The following CDH11 variants were observed in gnomAD, a reference collection of about 807,000 sequenced individuals.
CDH11 encodes cadherin-11.
A neutral mutation model predicts 67.8 loss-of-function variants in CDH11; 11 were observed. That is an observed-to-expected ratio of 0.16 (90% CI 0.10 to 0.27). The LOEUF (loss-of-function observed/expected upper bound fraction) is 0.27. Ranked by LOEUF, CDH11 falls within the 10% of genes least tolerant of loss-of-function variation. The pLI, the probability that CDH11 is intolerant of heterozygous loss-of-function variation, is 1.00. For synonymous variants in CDH11, 419 were observed against 400.0 expected (o/e 1.05, Z -0.57); for missense variants, 847 against 1,031.2 (o/e 0.82, Z 2.45).
chr16:65,087,297 G>A (rs1567570773), intron 1 of CDH11, among the ~76,000 whole-genome samples: 1 of 152,268 alleles, frequency 6.6e-6, no homozygotes, highest in East Asian at 1.9e-4. Context: ...ATTATGAAGT[G>A]TCAGCTACCA....
chr16:65,065,052 T>A (rs951668669), intron 1 of CDH11, among the ~76,000 whole-genome samples: 2 of 152,048 alleles, frequency 1.3e-5, no homozygotes, highest in Non-Finnish European at 1.5e-5. Flanking sequence ...ATATCACGGG[T>A]CAGGTCAGCT....
intron 8 of CDH11, among the ~76,000 whole-genome samples, chr16:64,975,047 C>T (rs2142436548): frequency 6.6e-6 from 1 of 152,242 alleles, no homozygotes. Flanking sequence ...AACAGCTGGG[C>T]TCAAGTCATC....
chr16:65,122,885 TG>T (rs1360381179), upstream of CDH11, among the ~76,000 whole-genome samples: 1 of 152,172 alleles, frequency 6.6e-6, no homozygotes, highest in Non-Finnish European at 1.5e-5. Context: ...CAGGTATCAG[TG>T]GCCCCCGCCG....
intron 1 of CDH11, among the ~76,000 whole-genome samples, chr16:65,095,284 G>A (rs2074869784): frequency 6.6e-6 from 1 of 152,098 alleles, no homozygotes; most frequent in East Asian, 1.9e-4. Flanking sequence ...GGATAGGTGG[G>A]TATGGCCAAC....
Position 65,004,969 on chromosome 16 carries a change from A to C in CDH11, c.-100T>G. The C allele has an allele frequency of 7.0e-7, 1 of 1,429,480 alleles. No homozygotes were observed. Among genetic ancestry groups the C allele is most frequent in the Non-Finnish European group, 9.2e-7 (1 of 1,087,418 alleles). 88.5% of individuals were successfully genotyped at this position (1,429,480 alleles called of 1,614,324 possible). On this transcript the variant is annotated 5_prime_UTR_variant, in exon 3 of 13. Coordinates refer to ENST00000268603, the MANE Select transcript of CDH11 (RefSeq NM_001797.4). ...GTGGCCTCCCGGACGCGTCACGCAG[A>C]CCTCTCTTGGGATGGAATGTCTCTG...
At chr16:65,051,981 A>C (rs956995816) in intron 2 of CDH11, among the ~76,000 whole-genome samples, 12 of 152,196 alleles carry the variant, frequency 7.9e-5, no homozygotes, top group Non-Finnish European at 1.8e-4. Context: ...AAAATGTTGG[A>C]TATTAATAAT....
At chr16:65,096,409 GTGT>G (rs1567575825) in intron 1 of CDH11, among the ~76,000 whole-genome samples, 15 of 74,172 alleles carry the variant, frequency 2.0e-4, no homozygotes, top group Admixed American at 4.0e-4. Flanking sequence ...CTTTCGGGGT[GTGT>G]GTGTGTGTGT....
At chr16:65,094,118 A>G (rs2074842293) in intron 1 of CDH11, among the ~76,000 whole-genome samples, 1 of 152,212 alleles carries the variant, frequency 6.6e-6, no homozygotes, top group African/African-American at 2.4e-5. Context: ...CCAGCAATGC[A>G]CTAAGATTTA....
At chr16:65,051,204 A>G (rs1302215671) in intron 2 of CDH11, among the ~76,000 whole-genome samples, 1 of 152,178 alleles carries the variant, frequency 6.6e-6, no homozygotes, top group African/African-American at 2.4e-5. Context: ...ACAAACATTG[A>G]CCAGACAATG....
intron 1 of CDH11, among the ~76,000 whole-genome samples, chr16:65,064,070 G>C (rs771599518): frequency 1.3e-5 from 2 of 152,224 alleles, no homozygotes; most frequent in Non-Finnish European, 2.9e-5. Flanking sequence ...GGCGGCCAGG[G>C]AGGGGTCACC....
chr16:65,035,654 C>T lies in CDH11; in HGVS notation c.-173+18150G>A, dbSNP rs1489182445. 2.0e-5 allele frequency among the ~76,000 whole-genome samples: 3 copies of T among 152,172 alleles called. No individual in the cohort carries two copies. The East Asian group carries it at 5.8e-4, about 29-fold the overall frequency. On this transcript the variant is annotated intron_variant, in intron 2 of 12. Coordinates refer to ENST00000268603, the MANE Select transcript of CDH11 (RefSeq NM_001797.4). ...TGGAATACCTGGAGTAGAGCAATCACAATAATAATTCATACTTTATAGCAC... is the reference window on the plus strand; with the variant it reads ...TGGAATACCTGGAGTAGAGCAATCATAATAATAATTCATACTTTATAGCAC...
intron 2 of CDH11, among the ~76,000 whole-genome samples, chr16:65,048,459 A>T (rs1472088919): frequency 6.6e-6 from 1 of 152,174 alleles, no homozygotes; most frequent in East Asian, 1.9e-4. Context: ...CTATTACAAC[A>T]CTATTCACAA....
chr16:64,987,255 C>T (rs1200042309), intron 7 of CDH11: 1 of 152,128 alleles, frequency 6.6e-6, no homozygotes, highest in Admixed American at 6.6e-5. Flanking sequence ...TCTGGCTCTT[C>T]TTTACAAACG....
In CDH11 at chr16:64,947,851, C is replaced by A. The variant is rs182947760; in HGVS notation, c.2143G>T (p.Val715Leu). Residue 715 changes from valine to leucine, a missense_variant, in exon 13 of 13, where the codon GTG (valine) becomes TTG (leucine). This residue lies in a region of CDH11 where 612 missense variants were observed against 678.7 expected (regional missense o/e 0.90). Transcript: ENST00000268603. ...RPGLRPAPNS[V>L]DVDDFINTRI... ...GTGTTGATGAAGTCATCGACATCCA[C>A]GCTGTTGGGCGCTGGCCGGAGCCCA... 1.2e-6 allele frequency: 2 copies of A among 1,614,154 alleles called. No homozygotes were observed. The highest frequency in any genetic ancestry group is 3.3e-5 in the Admixed American group (2 of 60,014).
chr16:65,063,905 C>A (rs1379047760), intron 1 of CDH11, among the ~76,000 whole-genome samples: 2 of 152,210 alleles, frequency 1.3e-5, no homozygotes, highest in African/African-American at 4.8e-5. Flanking sequence ...AAGCATCCCA[C>A]CTCCCTTTAT....
At chr16:65,077,434 T>C (rs924135632) in intron 1 of CDH11, among the ~76,000 whole-genome samples, 1 of 152,146 alleles carries the variant, frequency 6.6e-6, no homozygotes, top group African/African-American at 2.4e-5. Flanking sequence ...AAGAGTGAAA[T>C]TGTGATGTAA....
At chr16:64,997,737 T>C (rs2072811228) in intron 4 of CDH11, among the ~76,000 whole-genome samples, 1 of 152,186 alleles carries the variant, frequency 6.6e-6, no homozygotes, top group African/African-American at 2.4e-5. Flanking sequence ...GTATGCACAG[T>C]GGAAGGATCT....
chr16:65,084,531 T>C (rs1567569213), intron 1 of CDH11, among the ~76,000 whole-genome samples: 1 of 152,178 alleles, frequency 6.6e-6, no homozygotes, highest in East Asian at 1.9e-4. Context: ...AATTAAGCTA[T>C]AGTGTTTCAG....
At chr16:65,033,513 G>A (rs1318369177) in intron 2 of CDH11, among the ~76,000 whole-genome samples, 1 of 152,014 alleles carries the variant, frequency 6.6e-6, no homozygotes, top group Non-Finnish European at 1.5e-5. Flanking sequence ...GGCTGAGACG[G>A]GTGGATCACG....
Sources: allele counts gnomAD v4.1 joint callset (sites outside exome capture counted in the v4.1 genomes callset), GRCh38; gene constraint gnomAD v4.1.1; regional missense constraint gnomAD v4.1.1; transcripts MANE v1.5; gene names NCBI Gene and HGNC (gene_info 2026-07-23, HGNC 2026-07-21).